Variants in NOL4L observed in about 807,000 individuals in gnomAD.
The protein encoded by NOL4L is nucleolar protein 4 like.
NOL4L carries 7 observed loss-of-function variants against 64.5 expected under a neutral mutation model. The ratio of observed to expected loss-of-function variants is 0.11; its 90% CI spans 0.06 to 0.20. The LOEUF (loss-of-function observed/expected upper bound fraction) is 0.20. Among genes scored for constraint, NOL4L ranks in the 10% least tolerant of loss-of-function variants. The pLI is 1.00. For missense variants in NOL4L, 680 were observed against 967.1 expected, an observed-to-expected ratio of 0.70 and a Z score of 3.94; for synonymous variants, 413 against 401.0, an observed-to-expected ratio of 1.03 and a Z score of -0.36.
At chr20:32,555,840 G>T (rs2145608449) in intron 1 of NOL4L, among the ~76,000 whole-genome samples, 1 of 152,214 alleles carries the variant, frequency 6.6e-6, no homozygotes, top group Non-Finnish European at 1.5e-5. Context: ...AATGTCAGTG[G>T]TTTAAGCCAC....
In NOL4L at chr20:32,467,869, G is replaced by C. The variant is rs560498467; in HGVS notation, c.841+6732C>G. Among the ~76,000 whole-genome samples the C allele has an allele frequency of 1.6e-4, 25 of 152,308 alleles. No homozygotes were observed. The East Asian group carries it at 4.4e-3, about 27-fold the overall frequency. ...AGGGAGGAGGCACACAGGGGAGGGG[G>C]CCGGGCCAAGGAGAAGAGGCCAACA... On this transcript the variant is annotated intron_variant, in intron 5 of 10. Coordinates refer to ENST00000621426, the MANE Select transcript of NOL4L (RefSeq NM_001256798.2).
At chr20:32,550,393 C>T (rs186704147) in intron 1 of NOL4L, among the ~76,000 whole-genome samples, 140 of 152,296 alleles carry the variant, frequency 9.2e-4, no homozygotes, top group African/African-American at 3.2e-3. Context: ...CCACTGCACC[C>T]GGCCAATATT....
intron 2 of NOL4L, among the ~76,000 whole-genome samples, chr20:32,526,023 G>T (rs2018120285): frequency 6.6e-6 from 1 of 152,218 alleles, no homozygotes; most frequent in African/African-American, 2.4e-5. Flanking sequence ...CTCCCAAAGT[G>T]CTGGGATTAC....
In NOL4L at chr20:32,444,441, G is replaced by GT. The variant is rs1441099027; in HGVS notation, c.*3154dup. 1.3e-5 allele frequency: 2 copies of GT among 152,158 alleles called. No individual in the cohort carries two copies. The highest frequency in any genetic ancestry group is 2.1e-4 in the South Asian group (1 of 4,830). 9.4% of individuals were successfully genotyped at this position (152,158 alleles called of 1,614,324 possible). On this transcript the variant is annotated 3_prime_UTR_variant, in exon 11 of 11. Transcript: ENST00000621426. Reference sequence around the variant, plus strand: ...TAATCCTGTAACCACCCTTAGAGTTGTAAGTGGCCCTTGGGAATAGGGATG... The same window carrying GT: ...TAATCCTGTAACCACCCTTAGAGTTGTTAAGTGGCCCTTGGGAATAGGGATG...
At chr20:32,484,090 A>G (rs975216413) in intron 4 of NOL4L, among the ~76,000 whole-genome samples, 1 of 151,874 alleles carries the variant, frequency 6.6e-6, no homozygotes, top group Non-Finnish European at 1.5e-5. Context: ...AGGCCAGGAG[A>G]GGGAGACTTG....
chr20:32,530,088 T>C (rs2018288398), intron 1 of NOL4L, among the ~76,000 whole-genome samples: 1 of 152,190 alleles, frequency 6.6e-6, no homozygotes, highest in African/African-American at 2.4e-5. Flanking sequence ...TATACTGCCA[T>C]GACAGGGTTG....
At chr20:32,536,033 G>C (rs2018510146) in intron 1 of NOL4L, 1 of 985,664 alleles carries the variant, frequency 1.0e-6, no homozygotes. Context: ...GCAAGGGGCT[G>C]TCCTGCCTGG....
intron 4 of NOL4L, chr20:32,485,698 A>G: frequency 4.3e-6 from 2 of 468,164 alleles, no homozygotes; most frequent in Admixed American, 4.8e-5. Context: ...AGAACGAACT[A>G]GTGGCCACAG....
chr20:32,576,108 A>G (rs1447083821), intron 1 of NOL4L, among the ~76,000 whole-genome samples: 1 of 152,180 alleles, frequency 6.6e-6, no homozygotes, highest in Non-Finnish European at 1.5e-5. Flanking sequence ...GCTACTGGGA[A>G]GGCCTTGGCT....
At chr20:32,555,688 A>G (rs1012728008) in intron 1 of NOL4L, among the ~76,000 whole-genome samples, 1 of 152,146 alleles carries the variant, frequency 6.6e-6, no homozygotes, top group African/African-American at 2.4e-5. Flanking sequence ...CAAGAAGAGA[A>G]GATTAGGATA....
At position 32,447,773 on chromosome 20, in the gene NOL4L, G is replaced by A. The variant is rs1569358043; in HGVS notation, c.1866C>T (p.Ser622=). 4 of 1,584,958 alleles carry A rather than the reference G, an allele frequency of 2.5e-6. No homozygotes were observed. Among genetic ancestry groups the A allele is most frequent in the Non-Finnish European group, 1.7e-6 (2 of 1,161,990 alleles). ...LSMKGGASTT[S]TTPTPTPSST... ...TGGAGGGGGTGGGCGTGGGGGTGGT[G>A]GAGGTGGTAGAGGCCCCGCCTTTCA... The change falls in exon 11 of 11, where the codon TCC becomes TCT. Residue 622 remains serine (S), a synonymous_variant. Coordinates refer to ENST00000621426, the MANE Select transcript of NOL4L (RefSeq NM_001256798.2).
rs1050116617 is a variant in NOL4L, at chr20:32,444,320, T to C, written c.*3276A>G. 3.3e-5 allele frequency: 5 copies of C among 152,222 alleles called. No homozygotes were observed. The highest frequency in any genetic ancestry group is 2.1e-4 in the South Asian group (1 of 4,838). 9.4% of individuals were successfully genotyped at this position (152,222 alleles called of 1,614,324 possible). On this transcript the variant is annotated 3_prime_UTR_variant, in exon 11 of 11. Coordinates refer to ENST00000621426, the MANE Select transcript of NOL4L (RefSeq NM_001256798.2). ...GATTGAAACTGGTATTCTGGTGAAA[T>C]ACTTTACTATTTTGTAAAAAGTTTT...
rs11474732 is a variant in NOL4L, at chr20:32,444,957, A to AGAC, written c.*2638_*2639insGTC. ...AGCTGCATCTTTTAAAACAAAAGCA[A>AGAC]AACAAGTTCCCTGACTGAGCCAGCT... On this transcript the variant is annotated 3_prime_UTR_variant, in exon 11 of 11. Transcript: ENST00000621426. 1 of 151,682 alleles carries AGAC rather than the reference A, an allele frequency of 6.6e-6. No homozygotes were observed. Among genetic ancestry groups the AGAC allele is most frequent in the Non-Finnish European group, 1.5e-5 (1 of 67,890 alleles). The allele number at this position is 151,682 out of a possible 1,614,324, so 9.4% of individuals were successfully genotyped here. A position where few individuals can be genotyped will look rare whatever the true frequency, so the allele number is the denominator to read the frequency against.
intron 4 of NOL4L, among the ~76,000 whole-genome samples, chr20:32,487,367 G>A (rs959306681): frequency 2.7e-5 from 4 of 149,970 alleles, no homozygotes; most frequent in Non-Finnish European, 5.9e-5. Flanking sequence ...GGGTGGGGGA[G>A]AGGCAGAGGA....
intron 5 of NOL4L, among the ~76,000 whole-genome samples, chr20:32,457,312 G>A (rs908802921): frequency 6.6e-6 from 1 of 152,162 alleles, no homozygotes; most frequent in African/African-American, 2.4e-5. Flanking sequence ...GGGAACTCCC[G>A]GGGTCACTGT....
intron 3 of NOL4L, 106 bp from the exon 4 acceptor site, chr20:32,511,562 G>A (rs2017407540): frequency 1.4e-6 from 1 of 720,480 alleles, no homozygotes; most frequent in Non-Finnish European, 2.3e-6. Context: ...CCTTGGAGGA[G>A]AAGGGACAGG....
intron 1 of NOL4L, among the ~76,000 whole-genome samples, chr20:32,568,459 T>C (rs1190860284): frequency 2.0e-5 from 3 of 151,776 alleles, no homozygotes; most frequent in Non-Finnish European, 4.4e-5. Flanking sequence ...CCCTAGAGCC[T>C]ACAGCCTCCC....
chr20:32,483,235 G>T, intron 4 of NOL4L: 1 of 454,188 alleles, frequency 2.2e-6, no homozygotes, highest in Non-Finnish European at 2.9e-6. Context: ...CCCCTCCCCA[G>T]AACCGCCCCC....
chr20:32,572,215 A>T (rs1979787466), intron 1 of NOL4L, among the ~76,000 whole-genome samples: 1 of 152,012 alleles, frequency 6.6e-6, no homozygotes, highest in Non-Finnish European at 1.5e-5. Flanking sequence ...ATCTTACTTA[A>T]CGTATCTGAG....
Sources: gnomAD v4.1 joint callset for allele counts (sites outside exome capture counted in the v4.1 genomes callset) on GRCh38, gnomAD v4.1.1 for gene constraint, MANE v1.5 for transcripts, NCBI Gene and HGNC (gene_info 2026-07-23, HGNC 2026-07-21) for gene names.